NAV2: variants seen among roughly 807,000 people sequenced by gnomAD.
NAV2 encodes neuron navigator 2.
NAV2 carries 54 observed loss-of-function variants against 223.2 expected under a neutral mutation model. The observed-to-expected ratio is 0.24, with a 90% CI of 0.19 to 0.30. The LOEUF is 0.30. Among genes scored for constraint, NAV2 ranks in the 10% least tolerant of loss-of-function variants. NAV2 has a pLI of 1.00. For missense variants in NAV2, 2,806 were observed against 3,147.5 expected, an observed-to-expected ratio of 0.89 and a Z score of 2.60; for synonymous variants, 1,279 against 1,239.3, an observed-to-expected ratio of 1.03 and a Z score of -0.67.
rs557890798 is a variant in NAV2, at chr11:20,027,351, G to A, written c.2769-8608G>A. ...TTGCCTTGAACAATAGCCAGAAAAC[G>A]AGTTCCACCAGTCTGGACTTTTTTG... On this transcript the variant is annotated intron_variant, in intron 11 of 37. Transcript: ENST00000349880. 2.8e-4 allele frequency: 271 copies of A among 985,332 alleles called. 2 individuals are homozygous for A. The highest frequency in any genetic ancestry group is 9.0e-5 in the Non-Finnish European group (75 of 829,962). 61.0% of individuals were successfully genotyped at this position (985,332 alleles called of 1,614,324 possible).
intron 1 of NAV2, among the ~76,000 whole-genome samples, chr11:19,542,135 C>T (rs576062053): frequency 5.9e-5 from 9 of 152,276 alleles, no homozygotes; most frequent in African/African-American, 1.9e-4. Context: ...GCCTCTGGCC[C>T]AGCACAGCCA....
At chr11:19,851,376 T>A (rs765055154) in intron 3 of NAV2, among the ~76,000 whole-genome samples, 9 of 152,190 alleles carry the variant, frequency 5.9e-5, no homozygotes, top group Admixed American at 1.3e-4. Flanking sequence ...CATCTAGGCA[T>A]AGGCAGAGGC....
intron 5 of NAV2, among the ~76,000 whole-genome samples, chr11:19,890,272 G>A (rs1225643165): frequency 6.6e-6 from 1 of 152,162 alleles, no homozygotes; most frequent in Non-Finnish European, 1.5e-5. Flanking sequence ...ATTACACCAT[G>A]CTGCCTCACA....
intron 6 of NAV2, among the ~76,000 whole-genome samples, chr11:19,929,782 A>T (rs1278645758): frequency 6.6e-6 from 1 of 152,182 alleles, no homozygotes; most frequent in Non-Finnish European, 1.5e-5. Context: ...AAGTATCTTT[A>T]TGCTCCAGCA....
intron 1 of NAV2, among the ~76,000 whole-genome samples, chr11:19,776,577 G>GTTGTGTGTGTGTGT (rs1555045441): frequency 1.7e-5 from 2 of 116,180 alleles, no homozygotes; most frequent in African/African-American, 7.7e-5. Flanking sequence ...CTGGGGCAGG[G>GTTGTGTGTGTGTGT]GTGTGTGTGT....
chr11:20,007,572 G>T (rs2053190240), intron 11 of NAV2, among the ~76,000 whole-genome samples: 1 of 152,240 alleles, frequency 6.6e-6, no homozygotes, highest in South Asian at 2.1e-4. Flanking sequence ...AATTTAGCCA[G>T]CACAGTGTAT....
intron 1 of NAV2, among the ~76,000 whole-genome samples, chr11:19,817,851 C>CT (rs2059173722): frequency 6.6e-6 from 1 of 152,180 alleles, no homozygotes. Context: ...CTTGGCACCT[C>CT]TTGTCCTTTC....
rs184358011 is a variant in NAV2, at chr11:19,795,721, A to G, written c.268-36763A>G. 4.6e-5 allele frequency among the ~76,000 whole-genome samples: 7 copies of G among 152,352 alleles called. 1 individual carries two copies. The East Asian group carries it at 1.3e-3, about 29-fold the overall frequency. On this transcript the variant is annotated intron_variant, in intron 1 of 37. Transcript: ENST00000349880. Reference sequence around the variant, plus strand: ...AGAAAGTTTTAGTCTAAACTTCGTGATAAATTTGCCTCCTCATGTTGATTG... The same window carrying G: ...AGAAAGTTTTAGTCTAAACTTCGTGGTAAATTTGCCTCCTCATGTTGATTG...
intron 1 of NAV2, among the ~76,000 whole-genome samples, chr11:19,680,740 A>G (rs1260506221): frequency 6.6e-6 from 1 of 152,238 alleles, no homozygotes; most frequent in Non-Finnish European, 1.5e-5. Context: ...GCTAAAATTT[A>G]TAAAGGAACT....
chr11:19,748,980 C>G (rs905444803), intron 1 of NAV2, among the ~76,000 whole-genome samples: 10 of 152,220 alleles, frequency 6.6e-5, no homozygotes, highest in African/African-American at 2.4e-4. Flanking sequence ...GAGCTTCTAA[C>G]TCTCAGTTTG....
chr11:19,621,089 C>G (rs867564818), intron 1 of NAV2, among the ~76,000 whole-genome samples: 1 of 152,142 alleles, frequency 6.6e-6, no homozygotes, highest in Non-Finnish European at 1.5e-5. Flanking sequence ...ATGGAACCAG[C>G]CTTGCATCCC....
intron 11 of NAV2, among the ~76,000 whole-genome samples, chr11:20,009,234 GCTTA>G (rs2053360151): frequency 6.6e-6 from 1 of 152,100 alleles, no homozygotes. Flanking sequence ...TTCCCCCTGA[GCTTA>G]CTTACTCAAA....
intron 1 of NAV2, among the ~76,000 whole-genome samples, chr11:19,559,770 G>A (rs919335171): frequency 1.3e-5 from 2 of 152,288 alleles, no homozygotes; most frequent in Non-Finnish European, 2.9e-5. Context: ...AGGAGCCTGG[G>A]GATGGGAAGT....
At chr11:20,074,509 A>C (rs116249164) in intron 22 of NAV2, among the ~76,000 whole-genome samples, 2,001 of 152,190 alleles carry the variant, frequency 0.013, 35 homozygotes, top group African/African-American at 0.043. Flanking sequence ...TGTTTTGTTC[A>C]TCTGTCTAAT....
chr11:19,585,261 G>A (rs558564447), intron 1 of NAV2, among the ~76,000 whole-genome samples: 58 of 152,020 alleles, frequency 3.8e-4, no homozygotes, highest in African/African-American at 1.2e-3. Flanking sequence ...TTTGTTTTGA[G>A]CCTATGTGTG....
chr11:19,888,136 G>A (rs925008081), intron 5 of NAV2, among the ~76,000 whole-genome samples: 3 of 152,086 alleles, frequency 2.0e-5, no homozygotes, highest in Non-Finnish European at 4.4e-5. Flanking sequence ...CTTCCCTTAA[G>A]CTTAATATTT....
At chr11:19,604,301 TG>T (rs550113003) in intron 1 of NAV2, among the ~76,000 whole-genome samples, 1 of 151,968 alleles carries the variant, frequency 6.6e-6, no homozygotes, top group African/African-American at 2.4e-5. Context: ...TGGCTTGGAC[TG>T]GGGGGGCATC....
At chr11:20,113,827 A>G (rs2062829084) in intron 36 of NAV2, among the ~76,000 whole-genome samples, 1 of 152,038 alleles carries the variant, frequency 6.6e-6, no homozygotes, top group Non-Finnish European at 1.5e-5. Context: ...TGGGCAATAT[A>G]GAGAGATCCC....
At chr11:20,074,156 G>C (rs1359192576) in intron 22 of NAV2, among the ~76,000 whole-genome samples, 2 of 152,196 alleles carry the variant, frequency 1.3e-5, no homozygotes, top group Non-Finnish European at 2.9e-5. Flanking sequence ...TGGTTTCAAA[G>C]AACATCTTTA....
Sources: allele counts gnomAD v4.1 joint callset (sites outside exome capture counted in the v4.1 genomes callset), GRCh38; gene constraint gnomAD v4.1.1; transcripts MANE v1.5; gene names NCBI Gene and HGNC (gene_info 2026-07-23, HGNC 2026-07-21).